Variants in DEFB131A observed in about 807,000 individuals in gnomAD.
DEFB131A encodes the protein beta-defensin 131A.
Under a neutral mutation model 2.4 loss-of-function variants are expected in DEFB131A, and 5 were observed. The ratio of observed to expected loss-of-function variants is 2.12; its 90% confidence interval spans 1.11 to 4.47. The LOEUF (loss-of-function observed/expected upper bound fraction) is 4.47, where lower values mean the gene tolerates loss of function less well. DEFB131A is among the 30% of genes most tolerant of loss of function. The pLI is 0.00. For synonymous variants in DEFB131A, 34 were observed against 25.7 expected (o/e 1.32, Z -0.97); for missense variants, 120 against 79.9 (o/e 1.50, Z -1.91).
intron 1 of DEFB131A, among the ~76,000 whole-genome samples, chr4:9,448,233 G>T (rs1717555237): frequency 1.3e-5 from 2 of 150,252 alleles, no homozygotes; most frequent in African/African-American, 2.4e-5. Flanking sequence ...GACAACCAAG[G>T]ATAAGAATTA....
chr4:9,446,883 A>T (rs1343461867), intron 1 of DEFB131A, among the ~76,000 whole-genome samples: 1 of 152,082 alleles, frequency 6.6e-6, no homozygotes, highest in African/African-American at 2.4e-5. Context: ...TTTCCATGTT[A>T]TCTGTATCGT....
At chr4:9,449,684 G>A (rs1490024923) in intron 1 of DEFB131A, among the ~76,000 whole-genome samples, 1 of 151,972 alleles carries the variant, frequency 6.6e-6, no homozygotes, top group Non-Finnish European at 1.5e-5. Context: ...GGGAAGGACT[G>A]GTAGGTTTAA....
chr4:9,448,080 A>G (rs1717549499), intron 1 of DEFB131A, among the ~76,000 whole-genome samples: 1 of 152,054 alleles, frequency 6.6e-6, no homozygotes, highest in Non-Finnish European at 1.5e-5. Flanking sequence ...CAAAATGTAC[A>G]TATCTAGGAA....
In DEFB131A at chr4:9,447,725, A is replaced by G. The variant is rs539504036; in HGVS notation, c.59-2635A>G. 2.2e-3 allele frequency among the ~76,000 whole-genome samples: 327 copies of G among 151,598 alleles called. 2 individuals carry two copies. The highest frequency in any genetic ancestry group is 4.1e-3 in the Non-Finnish European group (282 of 67,972). Reference sequence around the variant, plus strand: ...TAGCTTTATCAGTCCTTAAAAAAAAAAAAAAAAACTTATCTTCAAATATGA... The same window carrying G: ...TAGCTTTATCAGTCCTTAAAAAAAAGAAAAAAAACTTATCTTCAAATATGA... On this transcript the variant is annotated intron_variant, in intron 1 of 1. Transcript: ENST00000334879.
intron 1 of DEFB131A, among the ~76,000 whole-genome samples, chr4:9,447,112 C>T (rs549148267): frequency 4.3e-4 from 66 of 152,160 alleles, no homozygotes; most frequent in African/African-American, 1.4e-3. Flanking sequence ...ATTTGGTCTG[C>T]GGTACAGATT....
rs750619421 is a variant in DEFB131A, at chr4:9,449,063, G to A, written c.59-1297G>A. 2.5e-4 allele frequency among the ~76,000 whole-genome samples: 38 copies of A among 151,782 alleles called. 1 individual carries two copies. In the Middle Eastern group the frequency reaches 0.027, roughly 109 times the overall value. On this transcript the variant is annotated intron_variant, in intron 1 of 1. Coordinates refer to ENST00000334879, the MANE Select transcript of DEFB131A (RefSeq NM_001040448.3). ...TAGCACTAACAACAAGCACTGGAAA[G>A]CAAGTAAAGAAAATCCCATTCATAA...
At position 9,449,704 on chromosome 4, in the gene DEFB131A, T is replaced by A. The variant is rs372019493; in HGVS notation, c.59-656T>A. 5.3e-4 allele frequency among the ~76,000 whole-genome samples: 81 copies of A among 152,138 alleles called. 1 individual carries two copies. Among genetic ancestry groups the A allele is most frequent in the African/African-American group, 1.8e-3 (75 of 41,534 alleles). ...GGACTGGTAGGTTTAAAGGGAATATTTATGGGAGATTATGGGTTATAGGCT... is the reference window on the plus strand; with the variant it reads ...GGACTGGTAGGTTTAAAGGGAATATATATGGGAGATTATGGGTTATAGGCT... On this transcript the variant is annotated intron_variant, in intron 1 of 1. Transcript: ENST00000334879.
At chr4:9,446,259 G>A (rs1273019351) in intron 1 of DEFB131A, among the ~76,000 whole-genome samples, 3 of 151,904 alleles carry the variant, frequency 2.0e-5, no homozygotes, top group Non-Finnish European at 4.4e-5. Flanking sequence ...TAAATCTCAG[G>A]TATAAACCAC....
At chr4:9,444,617 A>G (rs1717435797) in intron 1 of DEFB131A, 26 bp downstream of exon 1, 10 of 1,597,878 alleles carry the variant, frequency 6.3e-6, no homozygotes, top group Non-Finnish European at 8.5e-6. Context: ...TTTTATTCCA[A>G]AGTTCTAAAA....
intron 1 of DEFB131A, 21 bp downstream of exon 1, chr4:9,444,612 T>C: frequency 1.9e-6 from 3 of 1,601,664 alleles, no homozygotes; most frequent in Non-Finnish European, 2.6e-6. Flanking sequence ...AACTTTTTTA[T>C]TCCAAAGTTC....
In DEFB131A at chr4:9,444,799, G is replaced by A. The variant is rs529942920; in HGVS notation, c.58+208G>A. Among the ~76,000 whole-genome samples the A allele has an allele frequency of 2.0e-5, 3 of 152,124 alleles. No individual in the cohort carries two copies. The South Asian group carries it at 6.2e-4, about 32-fold the overall frequency. ...CCTATGATAAACTCACTTGAGGCCG[G>A]GCACAGTGGCTCATGTCTATAATCC... On this transcript the variant is annotated intron_variant, in intron 1 of 1. Transcript: ENST00000334879.
rs183754480 is a variant in DEFB131A, at chr4:9,449,361, A to T, written c.59-999A>T. On this transcript the variant is annotated intron_variant, in intron 1 of 1. Coordinates refer to ENST00000334879, the MANE Select transcript of DEFB131A (RefSeq NM_001040448.3). ...CTTAAACAGACATATAGGCCACTGG[A>T]AGAGAATAGAGGACCCAGAAATCAA... Among the ~76,000 whole-genome samples, 213 of 61,180 alleles carry T rather than the reference A, an allele frequency of 3.5e-3. 2 individuals are homozygous for T. Among genetic ancestry groups the T allele is most frequent in the African/African-American group, 0.011 (199 of 17,554 alleles). 40.1% of individuals were successfully genotyped at this position (61,180 alleles called of 152,430 possible).
Position 9,450,226 on chromosome 4 carries a change from T to C in DEFB131A, c.59-134T>C, listed in dbSNP as rs981794609. ...TATTCAGCATCTCCACGTTTTCTCT[T>C]GCATTTTTTGCTGTTGATTTTGTTT... On this transcript the variant is annotated intron_variant, in intron 1 of 1. Coordinates refer to ENST00000334879, the MANE Select transcript of DEFB131A (RefSeq NM_001040448.3). 2.8e-6 allele frequency: 3 copies of C among 1,071,924 alleles called. No homozygotes were observed. The African/African-American group carries it at 4.8e-5, about 17-fold the overall frequency. The allele number at this position is 1,071,924 out of a possible 1,614,324, so 66.4% of individuals were successfully genotyped here. A position where few individuals can be genotyped will look rare whatever the true frequency, so the allele number is the denominator to read the frequency against.
At chr4:9,446,476 C>T (rs544528440) in intron 1 of DEFB131A, among the ~76,000 whole-genome samples, 3 of 152,128 alleles carry the variant, frequency 2.0e-5, no homozygotes, top group South Asian at 2.1e-4. Context: ...ATTTGGCATT[C>T]TCTCTTTTGT....
chr4:9,447,624 A>T (rs1717535585), intron 1 of DEFB131A, among the ~76,000 whole-genome samples: 1 of 151,584 alleles, frequency 6.6e-6, no homozygotes, highest in African/African-American at 2.4e-5. Context: ...GTGCACATGC[A>T]TTCCTGGTGT....
intron 1 of DEFB131A, among the ~76,000 whole-genome samples, chr4:9,447,676 G>C (rs1235749688): frequency 6.6e-6 from 1 of 151,234 alleles, no homozygotes; most frequent in African/African-American, 2.4e-5. Context: ...ATTGCATGAG[G>C]GCCATACCCT....
chr4:9,445,731 G>A (rs1717476537), intron 1 of DEFB131A, among the ~76,000 whole-genome samples: 1 of 151,902 alleles, frequency 6.6e-6, no homozygotes, highest in African/African-American at 2.4e-5. Context: ...TTGCCTTAAA[G>A]TGTTCTATTC....
chr4:9,448,533 A>T lies in DEFB131A; in HGVS notation c.59-1827A>T, dbSNP rs1717565571. ...GAGACTGGATTCCGCTAGGTTAGCCAGGCTGGTCTCGAACTCCTGACCTCA... is the reference window on the plus strand; with the variant it reads ...GAGACTGGATTCCGCTAGGTTAGCCTGGCTGGTCTCGAACTCCTGACCTCA... On this transcript the variant is annotated intron_variant, in intron 1 of 1. Coordinates refer to ENST00000334879, the MANE Select transcript of DEFB131A (RefSeq NM_001040448.3). Among the ~76,000 whole-genome samples the T allele has an allele frequency of 2.6e-5, 4 of 152,134 alleles. No individual in the cohort carries two copies. The South Asian group carries it at 6.2e-4, about 24-fold the overall frequency.
intron 1 of DEFB131A, among the ~76,000 whole-genome samples, chr4:9,450,021 G>A (rs1717614332): frequency 1.3e-5 from 2 of 152,014 alleles, no homozygotes; most frequent in Non-Finnish European, 2.9e-5. Context: ...ACTTTCTCAA[G>A]AATTTAACTC....
Sources: allele counts gnomAD v4.1 joint callset (sites outside exome capture counted in the v4.1 genomes callset), GRCh38; gene constraint gnomAD v4.1.1; transcripts MANE v1.5; gene names NCBI Gene and HGNC (gene_info 2026-07-23, HGNC 2026-07-21).